The following C9orf78 variants were observed in gnomAD, a reference collection of about 807,000 sequenced individuals.
The protein encoded by C9orf78 is splicing factor C9orf78.
A neutral mutation model predicts 37.4 loss-of-function variants in C9orf78; 19 were observed. The ratio of observed to expected loss-of-function variants is 0.51; its 90% confidence interval spans 0.35 to 0.74. C9orf78 has a LOEUF of 0.74. C9orf78 is among the 30% of genes least tolerant of loss of function. C9orf78 has a pLI of 0.01. For synonymous variants in C9orf78, 130 were observed against 128.0 expected (o/e 1.02, Z -0.10); for missense variants, 291 against 370.8 (o/e 0.78, Z 1.77).
In C9orf78 at chr9:129,831,958, C is replaced by T; in HGVS notation, c.282G>A (p.Glu94=). ...ERGKDKISEE[E]DLHLGTSFSA... ...AAAACGATGTCCCCAGGTGCAGGTCCTCCTCCTCACTGATCCTGGAGGGAG... is the reference window on the plus strand; with the variant it reads ...AAAACGATGTCCCCAGGTGCAGGTCTTCCTCCTCACTGATCCTGGAGGGAG... The change falls in exon 5 of 9, where the codon GAG becomes GAA. Residue 94 remains glutamate (E), a synonymous_variant. Coordinates refer to ENST00000372447, the MANE Select transcript of C9orf78 (RefSeq NM_016520.3). The T allele has an allele frequency of 1.3e-6, 2 of 1,544,980 alleles. No individual in the cohort carries two copies. Among genetic ancestry groups the T allele is most frequent in the Non-Finnish European group, 1.8e-6 (2 of 1,117,164 alleles).
chr9:129,828,120 T>A lies in C9orf78; in HGVS notation c.*41A>T. 1 of 1,175,528 alleles carries A rather than the reference T, an allele frequency of 8.5e-7. No homozygotes were observed. The highest frequency in any genetic ancestry group is 1.2e-5 in the South Asian group (1 of 82,022). 72.8% of individuals were successfully genotyped at this position (1,175,528 alleles called of 1,614,324 possible). A position where few individuals can be genotyped will look rare whatever the true frequency, so the allele number is the denominator to read the frequency against. On this transcript the variant is annotated 3_prime_UTR_variant, in exon 9 of 9. Transcript: ENST00000372447. ...GAAGCCATTTTTCATGGGAGGGATATAGGGAGAGGAAGGCGATATTTACAT... is the reference window on the plus strand; with the variant it reads ...GAAGCCATTTTTCATGGGAGGGATAAAGGGAGAGGAAGGCGATATTTACAT...
rs1193927328 is a variant in C9orf78, at chr9:129,835,217, G to A, written c.5C>T (p.Pro2Leu). The change falls in exon 1 of 9, where the codon CCG becomes CTG. Residue 2 changes from proline (P) to leucine (L), a missense_variant. Physicochemically the swap from Pro to Leu is moderately conservative, Grantham distance 98 (BLOSUM62 -3). This residue lies in a region of C9orf78 where 158 missense variants were observed against 174.8 expected (regional missense o/e 0.90). Coordinates refer to ENST00000372447, the MANE Select transcript of C9orf78 (RefSeq NM_016520.3). The part of the protein sequence containing the change: M[P>L]VVRKIFRRRR... ...GCGACGGAAAATCTTCCGGACGACCGGCATGGTGACAACGGCCGAGTTGTA... is the reference window on the plus strand; with the variant it reads ...GCGACGGAAAATCTTCCGGACGACCAGCATGGTGACAACGGCCGAGTTGTA... 3.7e-6 allele frequency: 6 copies of A among 1,608,456 alleles called. No individual in the cohort carries two copies. The highest frequency in any genetic ancestry group is 2.3e-5 in the East Asian group (1 of 44,428).
intron 8 of C9orf78, chr9:129,828,771 C>G: frequency 3.6e-6 from 1 of 274,372 alleles, no homozygotes. Context: ...CACTCTGTCA[C>G]GCAGGCTAGA....
chr9:129,833,732 G>A (rs201311453), intron 2 of C9orf78, 23 bp from the exon 3 acceptor site: 1 of 1,541,424 alleles, frequency 6.5e-7, no homozygotes, highest in East Asian at 2.3e-5. Flanking sequence ...AAAAAAAAAA[G>A]AGAGGGGGAG....
In C9orf78 at chr9:129,833,729, AAAG is replaced by A; in HGVS notation, c.144-23_144-21del. On this transcript the variant is annotated intron_variant, in intron 2 of 8. Transcript: ENST00000372447. ...ACAGCACTGAGCAAAACCAAAAAAA[AAAG>A]AGAGGGGGAGAGAGAGAAATGGCAT... is the stretch of plus-strand genomic sequence containing the variant. 6.3e-7 allele frequency: 1 copy of A among 1,594,072 alleles called. No homozygotes were observed. Among genetic ancestry groups the A allele is most frequent in the Non-Finnish European group, 8.6e-7 (1 of 1,165,286 alleles).
intron 6 of C9orf78, chr9:129,830,551 G>T: frequency 6.5e-6 from 2 of 305,668 alleles, no homozygotes; most frequent in South Asian, 3.5e-5. Flanking sequence ...GTCTTGCTCT[G>T]TCGCCAGACT....
chr9:129,832,375 ATATAGTT>A lies in C9orf78; in HGVS notation c.267-409_267-403del, dbSNP rs542307126. On this transcript the variant is annotated intron_variant, in intron 4 of 8. Coordinates refer to ENST00000372447, the MANE Select transcript of C9orf78 (RefSeq NM_016520.3). ...TAATACCAAATACAATGTAAATGCT[ATATAGTT>A]GTCACAAAAGTACACAGTAAACTTT... Among the ~76,000 whole-genome samples the A allele has an allele frequency of 7.9e-4, 114 of 143,488 alleles. 1 individual carries two copies. In the South Asian group the frequency reaches 0.022, roughly 27 times the overall value. 94.1% of individuals were successfully genotyped at this position (143,488 alleles called of 152,430 possible).
Position 129,829,194 on chromosome 9 carries a change from G to C in C9orf78, c.778+11C>G. On this transcript the variant is annotated intron_variant, in intron 8 of 8. Transcript: ENST00000372447. ...CACTCCAGGCAGCCCCGAGGCCTTT[G>C]TTGCACTCACGCTCAGGCTCTGGCT... 6.2e-7 allele frequency: 1 copy of C among 1,600,222 alleles called. No homozygotes were observed. The highest frequency in any genetic ancestry group is 1.7e-4 in the Middle Eastern group (1 of 6,048).
intron 6 of C9orf78, chr9:129,830,503 C>A (rs149658513): frequency 7.8e-4 from 216 of 277,128 alleles, no homozygotes; most frequent in African/African-American, 4.6e-3. Flanking sequence ...CCATACCTGT[C>A]CCCCATAAAT....
chr9:129,832,995 ATATG>A lies in C9orf78; in HGVS notation c.266+448_266+451del, dbSNP rs199550746. On this transcript the variant is annotated intron_variant, in intron 4 of 8. Coordinates refer to ENST00000372447, the MANE Select transcript of C9orf78 (RefSeq NM_016520.3). ...TATATATGCGTGTGTGTATATATAT[ATATG>A]TGTGTGTGTGTGTGTGTATATGTGT... is the stretch of plus-strand genomic sequence containing the variant. 4.1e-3 allele frequency among the ~76,000 whole-genome samples: 581 copies of A among 141,558 alleles called. 4 individuals are homozygous for A. Among genetic ancestry groups the A allele is most frequent in the African/African-American group, 0.014 (545 of 39,350 alleles). 92.9% of individuals were successfully genotyped at this position (141,558 alleles called of 152,430 possible). A position where few individuals can be genotyped will look rare whatever the true frequency, so the allele number is the denominator to read the frequency against.
At chr9:129,830,489 G>C (rs1265309984) in intron 6 of C9orf78, 1 of 257,260 alleles carries the variant, frequency 3.9e-6, no homozygotes, top group African/African-American at 2.2e-5. Flanking sequence ...ATAGGCATCA[G>C]CCACCATACC....
At position 129,829,499 on chromosome 9, in the gene C9orf78, G is replaced by A. The variant is rs1411717462; in HGVS notation, c.585C>T (p.Ala195=). The A allele has an allele frequency of 6.2e-7, 1 of 1,613,490 alleles. No individual in the cohort carries two copies. The highest frequency in any genetic ancestry group is 2.2e-5 in the East Asian group (1 of 44,876). Reference sequence around the variant, plus strand: ...TGTTCTGCTGCTCTGCCAGCAGACGGGCCTTGGCATCCTCCGTGGAAATGA... The same window carrying A: ...TGTTCTGCTGCTCTGCCAGCAGACGAGCCTTGGCATCCTCCGTGGAAATGA... ...KNIISTEDAK[A]RLLAEQQNKK... Residue 195 remains alanine, a synonymous_variant, in exon 7 of 9, where the codon GCC becomes GCT. Transcript: ENST00000372447.
rs11545729 is a variant in C9orf78, at chr9:129,827,787, T to A, written c.*374A>T. ...CTGGAAGCCATTTTTCTTTTTCTTT[T>A]TTTTTTTTTTTTTTTTTTTTGAGAC... is the stretch of plus-strand genomic sequence containing the variant. On this transcript the variant is annotated 3_prime_UTR_variant, in exon 9 of 9. Coordinates refer to ENST00000372447, the MANE Select transcript of C9orf78 (RefSeq NM_016520.3). 2 of 85,744 alleles carry A rather than the reference T, an allele frequency of 2.3e-5. No individual in the cohort carries two copies. The highest frequency in any genetic ancestry group is 8.5e-5 in the African/African-American group (2 of 23,600). The allele number at this position is 85,744 out of a possible 1,614,324, so 5.3% of individuals were successfully genotyped here.
At chr9:129,830,457 C>G (rs2031463773) in intron 6 of C9orf78, 1 of 186,542 alleles carries the variant, frequency 5.4e-6, no homozygotes, top group South Asian at 1.0e-4. Flanking sequence ...CTTGGCCTCC[C>G]AAGTACTGGG....
chr9:129,834,232 G>T (rs2031609433), intron 2 of C9orf78: 2 of 179,078 alleles, frequency 1.1e-5, no homozygotes, highest in African/African-American at 4.8e-5. Context: ...GGGAATAAAA[G>T]TACATAGAAA....
At position 129,828,234 on chromosome 9, in the gene C9orf78, T is replaced by C. The variant is rs913509527; in HGVS notation, c.797A>G (p.Lys266Arg). The change falls in exon 9 of 9, where the codon AAG (lysine) becomes AGG (arginine). Residue 266 changes from lysine to arginine, a missense_variant. By Grantham distance (26) the Lys-to-Arg change is conservative. Around this residue, in one of 3 missense-constraint regions of C9orf78, gnomAD observed 120 missense variants for 148.7 expected, o/e 0.81. Coordinates refer to ENST00000372447, the MANE Select transcript of C9orf78 (RefSeq NM_016520.3). ...AGTTGCCTTCTCGTTAGCAGGACGC[T>C]TGCGGTTAGGAGGGGACCCTGAGAA... is the stretch of plus-strand genomic sequence containing the variant. ...PEPERSPPNRKRPANEKATDD... is the reference protein window; with the variant it reads ...PEPERSPPNRRRPANEKATDD... The C allele has an allele frequency of 6.2e-7, 1 of 1,604,914 alleles. No individual in the cohort carries two copies. The highest frequency in any genetic ancestry group is 8.5e-7 in the Non-Finnish European group (1 of 1,172,782).
At chr9:129,834,614 A>G in intron 2 of C9orf78, 93 bp downstream of exon 2, 2 of 871,026 alleles carry the variant, frequency 2.3e-6, no homozygotes, top group Non-Finnish European at 3.8e-6. Context: ...CAAGAGAAAA[A>G]TCTACGTCTG....
chr9:129,827,822 T>C lies in C9orf78; in HGVS notation c.*339A>G, dbSNP rs1588221287. ...TTTTTTTTTTTGAGACAGAGTTTTT[T>C]GCTCGTTGCCCAGGCTGGAGTACAA... On this transcript the variant is annotated 3_prime_UTR_variant, in exon 9 of 9. Coordinates refer to ENST00000372447, the MANE Select transcript of C9orf78 (RefSeq NM_016520.3). 2 of 152,024 alleles carry C rather than the reference T, an allele frequency of 1.3e-5. No individual in the cohort carries two copies. The highest frequency in any genetic ancestry group is 1.9e-4 in the East Asian group (1 of 5,226). 9.4% of individuals were successfully genotyped at this position (152,024 alleles called of 1,614,324 possible). A position where few individuals can be genotyped will look rare whatever the true frequency, so the allele number is the denominator to read the frequency against.
chr9:129,835,196 C>T lies in C9orf78; in HGVS notation c.26G>A (p.Arg9His). Residue 9 changes from arginine (R) to histidine (H), a missense_variant, in exon 1 of 9, where the codon CGT becomes CAT. Arg to His is a conservative substitution (Grantham distance 29). Coordinates refer to ENST00000372447, the MANE Select transcript of C9orf78 (RefSeq NM_016520.3). MPVVRKIF[R>H]RRRGDSESEE... is the part of the protein sequence containing the mutation. ...TGACTCCGAGTCGCCCCGGCGGCGA[C>T]GGAAAATCTTCCGGACGACCGGCAT... is the stretch of plus-strand genomic sequence containing the variant. The T allele has an allele frequency of 6.2e-7, 1 of 1,610,492 alleles. No individual in the cohort carries two copies.
Sources: gnomAD v4.1 joint callset for allele counts (sites outside exome capture counted in the v4.1 genomes callset) on GRCh38, gnomAD v4.1.1 for gene constraint, gnomAD v4.1.1 regional missense constraint, MANE v1.5 for transcripts, NCBI Gene and HGNC (gene_info 2026-07-23, HGNC 2026-07-21) for gene names.